Variants in FRMD3 observed in about 807,000 individuals in gnomAD.
FRMD3 encodes the protein FERM domain containing 3.
Under a neutral mutation model 70.2 loss-of-function variants are expected in FRMD3, and 33 were observed. That is an observed-to-expected ratio of 0.47 (90% CI 0.36 to 0.63). The LOEUF is 0.63. Among genes scored for constraint, FRMD3 ranks in the 20% least tolerant of loss-of-function variants. FRMD3 has a pLI of 0.00. For synonymous variants in FRMD3, 279 were observed against 255.9 expected, an observed-to-expected ratio of 1.09 and a Z score of -0.86; for missense variants, 632 against 711.4, an observed-to-expected ratio of 0.89 and a Z score of 1.27.
chr9:83,245,751 G>A lies in FRMD3; in HGVS notation c.*2167C>T. The A allele has an allele frequency of 3.0e-6, 3 of 984,518 alleles. No homozygotes were observed. Among genetic ancestry groups the A allele is most frequent in the Non-Finnish European group, 3.6e-6 (3 of 829,232 alleles). The allele number at this position is 984,518 out of a possible 1,614,324, so 61.0% of individuals were successfully genotyped here. ...AAATTATATGACGCATGATCAGAAG[G>A]GGACTAATTTTGTGCAGACTACACT... On this transcript the variant is annotated 3_prime_UTR_variant, in exon 14 of 14. Transcript: ENST00000304195.
intron 2 of FRMD3, among the ~76,000 whole-genome samples, chr9:83,375,660 C>A (rs12342540): frequency 6.6e-6 from 1 of 151,930 alleles, no homozygotes; most frequent in Non-Finnish European, 1.5e-5. Flanking sequence ...TAAATGGGAG[C>A]TAATGATGAG....
intron 2 of FRMD3, among the ~76,000 whole-genome samples, chr9:83,387,381 A>G (rs1281578369): frequency 6.6e-6 from 1 of 152,042 alleles, no homozygotes; most frequent in Non-Finnish European, 1.5e-5. Context: ...GTTGTTCCTT[A>G]ATGTCTTGCC....
In FRMD3 at chr9:83,245,658, A is replaced by T; in HGVS notation, c.*2260T>A. 1.2e-6 allele frequency: 1 copy of T among 855,504 alleles called. No homozygotes were observed. The highest frequency in any genetic ancestry group is 1.4e-6 in the Non-Finnish European group (1 of 711,622). The allele number at this position is 855,504 out of a possible 1,614,324, so 53.0% of individuals were successfully genotyped here. On this transcript the variant is annotated 3_prime_UTR_variant, in exon 14 of 14. Coordinates refer to ENST00000304195, the MANE Select transcript of FRMD3 (RefSeq NM_174938.6). ...AAATATATTAGTTCCATAATTTAAA[A>T]AATATTATATAATATTATTTTGAAA...
At chr9:83,457,798 C>T (rs1341681121) in intron 1 of FRMD3, among the ~76,000 whole-genome samples, 1 of 151,934 alleles carries the variant, frequency 6.6e-6, no homozygotes, top group East Asian at 1.9e-4. Context: ...AGTGTTCTCA[C>T]CACAAAAAAT....
At chr9:83,266,913 A>G in intron 13 of FRMD3, 4 of 1,280,166 alleles carry the variant, frequency 3.1e-6, no homozygotes, top group Admixed American at 4.7e-5. Context: ...AACCTCTGAC[A>G]CCAAATTCAC....
intron 13 of FRMD3, among the ~76,000 whole-genome samples, chr9:83,264,294 G>T (rs1026882543): frequency 2.6e-5 from 4 of 152,176 alleles, no homozygotes; most frequent in East Asian, 1.9e-4. Context: ...ACCAGTGGTT[G>T]CCAGGAATTA....
intron 1 of FRMD3, among the ~76,000 whole-genome samples, chr9:83,512,597 C>A (rs1390871260): frequency 6.6e-6 from 1 of 152,162 alleles, no homozygotes; most frequent in African/African-American, 2.4e-5. Context: ...GTAGCATATA[C>A]CCCTAGCCCA....
chr9:83,243,703 A>C (rs1173542772), downstream of FRMD3, among the ~76,000 whole-genome samples: 5 of 152,154 alleles, frequency 3.3e-5, no homozygotes, highest in African/African-American at 1.2e-4. Flanking sequence ...TGTACTTCTA[A>C]GGACTGCTGA....
chr9:83,381,284 G>C (rs758952243), intron 2 of FRMD3, among the ~76,000 whole-genome samples: 1 of 152,220 alleles, frequency 6.6e-6, no homozygotes, highest in African/African-American at 2.4e-5. Flanking sequence ...GCTGGGCACA[G>C]TGGTTCATGC....
At chr9:83,243,004 C>T (rs777635424), downstream of FRMD3, 7 of 603,030 alleles carry the variant, frequency 1.2e-5, no homozygotes, top group South Asian at 2.0e-5. Flanking sequence ...GGGTTAAAAG[C>T]AGCTTTATTA....
chr9:83,383,564 C>T (rs1825422826), intron 2 of FRMD3, among the ~76,000 whole-genome samples: 1 of 152,186 alleles, frequency 6.6e-6, no homozygotes, highest in Admixed American at 6.5e-5. Context: ...GGTCTCTAGT[C>T]AGCCCTGCTG....
chr9:83,416,745 G>GTCTCTCTCTCTCTCTCTCTCTCTCTC (rs1184226415), intron 1 of FRMD3, among the ~76,000 whole-genome samples: 12 of 102,284 alleles, frequency 1.2e-4, no homozygotes, highest in East Asian at 3.1e-4. Context: ...ATTTCTCTCT[G>GTCTCTCTCTCTCTCTCTCTCTCTCTC]TCTCTCTCTC....
intron 13 of FRMD3, among the ~76,000 whole-genome samples, chr9:83,286,202 G>T (rs1235051030): frequency 6.6e-6 from 1 of 152,218 alleles, no homozygotes; most frequent in African/African-American, 2.4e-5. Context: ...CAGTGGCAGA[G>T]ATGTCCCCAC....
intron 5 of FRMD3, among the ~76,000 whole-genome samples, chr9:83,340,674 T>A (rs1823724513): frequency 6.6e-6 from 1 of 152,256 alleles, no homozygotes; most frequent in African/African-American, 2.4e-5. Flanking sequence ...TTTTGCAATT[T>A]GTATTATGAA....
Position 83,290,609 on chromosome 9 carries a change from C to A in FRMD3, c.1189G>T (p.Gly397Cys), listed in dbSNP as rs199909232. The stretch of plus-strand genomic sequence containing the variant: ...GATGAAGAGACAGACTTACCCTCAC[C>A]CAGAGGAAGTTCTTCTTCTTGCTCG... ...PSEQEEELPL[G>C]EGVPLPKEEN... Residue 397 changes from glycine to cysteine, a missense_variant, in exon 13 of 14, where the codon GGT becomes TGT. Around this residue, in one of 3 missense-constraint regions of FRMD3, gnomAD observed 418 missense variants for 442.1 expected, o/e 0.95. Transcript: ENST00000304195. 3.7e-6 allele frequency: 6 copies of A among 1,614,074 alleles called. No homozygotes were observed. The African/African-American group carries it at 5.3e-5, about 14-fold the overall frequency.
At chr9:83,512,829 T>C (rs1829368399) in intron 1 of FRMD3, among the ~76,000 whole-genome samples, 3 of 152,178 alleles carry the variant, frequency 2.0e-5, no homozygotes, top group South Asian at 4.1e-4. Flanking sequence ...GACAGTGGAA[T>C]TTTAAACAGG....
At chr9:83,257,339 T>C (rs1832756150) in intron 13 of FRMD3, among the ~76,000 whole-genome samples, 1 of 151,948 alleles carries the variant, frequency 6.6e-6, no homozygotes, top group South Asian at 2.1e-4. Context: ...CATGGACATA[T>C]TGGGAGGAAC....
At chr9:83,334,983 G>C (rs1362767237) in intron 6 of FRMD3, among the ~76,000 whole-genome samples, 1 of 152,192 alleles carries the variant, frequency 6.6e-6, no homozygotes, top group African/African-American at 2.4e-5. Context: ...TTAGGAACGT[G>C]GTGAATGCTC....
chr9:83,521,404 T>G (rs1041853908), intron 1 of FRMD3, among the ~76,000 whole-genome samples: 1 of 152,150 alleles, frequency 6.6e-6, no homozygotes, highest in Non-Finnish European at 1.5e-5. Flanking sequence ...GAGGATCACT[T>G]GAGCCCAGGA....
Sources: allele counts gnomAD v4.1 joint callset (sites outside exome capture counted in the v4.1 genomes callset), GRCh38; gene constraint gnomAD v4.1.1; regional missense constraint gnomAD v4.1.1; transcripts MANE v1.5; gene names NCBI Gene and HGNC (gene_info 2026-07-23, HGNC 2026-07-21).